Variants in TUBGCP2 observed in about 807,000 individuals in gnomAD.
The protein encoded by TUBGCP2 is gamma-tubulin complex component 2.
In TUBGCP2, 55 loss-of-function variants were observed where a neutral mutation model predicts 92.2. That is an observed-to-expected ratio of 0.60 (90% CI 0.48 to 0.75). TUBGCP2 has a LOEUF of 0.75. TUBGCP2 is among the 30% of genes least tolerant of loss of function. TUBGCP2 has a pLI of 0.00. For missense variants in TUBGCP2, 1,093 were observed against 1,188.9 expected (o/e 0.92, Z 1.19); for synonymous variants, 533 against 505.2 (o/e 1.06, Z -0.74).
In TUBGCP2 at chr10:133,299,495, A is replaced by G; in HGVS notation, c.388T>C (p.Ser130Pro). 1 of 1,613,242 alleles carries G rather than the reference A, an allele frequency of 6.2e-7. No homozygotes were observed. Among genetic ancestry groups the G allele is most frequent in the Non-Finnish European group, 8.5e-7 (1 of 1,179,966 alleles). Reference sequence around the variant, plus strand: ...CTCAGTTCCTCAAGCTCCTGCATGGAGATCTTGGAGGCCGCGGCAGGGACG... The same window carrying G: ...CTCAGTTCCTCAAGCTCCTGCATGGGGATCTTGGAGGCCGCGGCAGGGACG... ...INVPAAASKI[S>P]MQELEELRKQ... The change falls in exon 4 of 18, where the codon TCC (serine) becomes CCC (proline). Residue 130 changes from serine (S) to proline (P), a missense_variant. By Grantham distance (74) the Ser-to-Pro change is moderately conservative. This residue lies in a region of TUBGCP2 where 490 missense variants were observed against 488.5 expected (regional missense o/e 1.00). Transcript: ENST00000252936.
chr10:133,296,978 A>G (rs961432946), intron 5 of TUBGCP2, among the ~76,000 whole-genome samples: 5 of 152,214 alleles, frequency 3.3e-5, no homozygotes, highest in African/African-American at 1.2e-4. Flanking sequence ...TGGTGCCCAC[A>G]TTGCAGAGCC....
rs1177388313 is a variant in TUBGCP2 at position 133,279,326 on chromosome 10, C to G, written c.*440G>C. ...TCTGGGGCCAAAGCAAACCCGACAC[C>G]CGATGCCCGGTGGGTTTCCACAACT... is the stretch of plus-strand genomic sequence containing the variant. On this transcript the variant is annotated 3_prime_UTR_variant, in exon 18 of 18. Transcript: ENST00000252936. The G allele has an allele frequency of 5.9e-6, 1 of 168,088 alleles. No homozygotes were observed. The highest frequency in any genetic ancestry group is 1.3e-5 in the Non-Finnish European group (1 of 78,010). The allele number at this position is 168,088 out of a possible 1,614,324, so 10.4% of individuals were successfully genotyped here.
intron 16 of TUBGCP2, among the ~76,000 whole-genome samples, chr10:133,281,846 C>T (rs928005888): frequency 6.6e-6 from 1 of 152,270 alleles, no homozygotes; most frequent in Non-Finnish European, 1.5e-5. Context: ...CCGGAGCCGG[C>T]GCCGCAGGGC....
rs201938741 is a variant in TUBGCP2, at chr10:133,281,479, C to T, written c.2410-43G>A. ...GTGCGTGAGCCATGCCCACCCCCAC[C>T]GTGGGCCTTCTTGGCTCCACACTGT... On this transcript the variant is annotated intron_variant, in intron 16 of 17. Transcript: ENST00000252936. 431 of 1,597,722 alleles carry T rather than the reference C, an allele frequency of 2.7e-4. 1 individual carries two copies. Among genetic ancestry groups the T allele is most frequent in the African/African-American group, 3.3e-4 (25 of 74,924 alleles).
chr10:133,279,976 G>A lies in TUBGCP2; in HGVS notation c.2574-75C>T, dbSNP rs114492142. Reference sequence around the variant, plus strand: ...ATGCTGGGCAGCAGGGGTGTGGAAGGACGGTGCAGCTAGGGTGCACACCCC... The same window carrying A: ...ATGCTGGGCAGCAGGGGTGTGGAAGAACGGTGCAGCTAGGGTGCACACCCC... On this transcript the variant is annotated intron_variant, in intron 17 of 17. Transcript: ENST00000252936. The A allele has an allele frequency of 6.4e-4, 996 of 1,554,526 alleles. 4 individuals are homozygous for A. In the African/African-American group the frequency reaches 0.013, roughly 20 times the overall value.
At position 133,301,700 on chromosome 10, in the gene TUBGCP2, CTTTTTTTTTTTTTTTT is replaced by C. The variant is rs71016439; in HGVS notation, c.150+1076_150+1091del. ...CAACATGGTTAATACCAGTCCCTCCCTTTTTTTTTTTTTTTTTTTTTTTTTTTTTTGAGACAGAGTC... is the reference window on the plus strand; with the variant it reads ...CAACATGGTTAATACCAGTCCCTCCCTTTTTTTTTTTTTTGAGACAGAGTC... On this transcript the variant is annotated intron_variant, in intron 2 of 17. Transcript: ENST00000252936. 1.3e-4 allele frequency: 11 copies of C among 87,256 alleles called. No homozygotes were observed. The East Asian group carries it at 1.6e-3, about 13-fold the overall frequency. 5.4% of individuals were successfully genotyped at this position (87,256 alleles called of 1,614,324 possible).
At chr10:133,302,755 T>C in intron 2 of TUBGCP2, 37 bp downstream of exon 2, 5 of 1,610,518 alleles carry the variant, frequency 3.1e-6, no homozygotes, top group Non-Finnish European at 4.2e-6. Flanking sequence ...GGAACAGTGC[T>C]CACCCTGCAC....
chr10:133,295,058 C>G (rs1847457816), intron 5 of TUBGCP2: 1 of 152,044 alleles, frequency 6.6e-6, no homozygotes, highest in African/African-American at 2.4e-5. Flanking sequence ...AAGCCTCGGC[C>G]AATGCCCTTG....
intron 1 of TUBGCP2, among the ~76,000 whole-genome samples, chr10:133,305,355 A>G (rs1475906255): frequency 1.3e-5 from 2 of 152,188 alleles, no homozygotes; most frequent in Non-Finnish European, 2.9e-5. Context: ...CATGACACAC[A>G]TGACCTTATC....
At chr10:133,282,628 C>T (rs573650318) in intron 15 of TUBGCP2, among the ~76,000 whole-genome samples, 2 of 152,328 alleles carry the variant, frequency 1.3e-5, no homozygotes, top group East Asian at 3.9e-4. Flanking sequence ...TCCCCACTCG[C>T]CCTCCTCCGG....
chr10:133,281,222 A>C (rs150739655), intron 17 of TUBGCP2, 51 bp downstream of exon 17: 1 of 1,590,556 alleles, frequency 6.3e-7, no homozygotes, highest in Non-Finnish European at 8.5e-7. Context: ...GGGCAGGGGC[A>C]GGCGCTGGAC....
At chr10:133,284,055 GCCCA>G (rs1389744876) in intron 13 of TUBGCP2, 53 bp from the exon 14 acceptor site, 16 of 1,594,424 alleles carry the variant, frequency 1.0e-5, no homozygotes, top group Admixed American at 5.1e-5. Flanking sequence ...CCCCGACAGC[GCCCA>G]CCAAGTGACA....
intron 13 of TUBGCP2, among the ~76,000 whole-genome samples, chr10:133,284,436 C>T (rs1847077039): frequency 6.6e-6 from 1 of 152,218 alleles, no homozygotes; most frequent in Non-Finnish European, 1.5e-5. Context: ...GATCTTGGCT[C>T]ACTGCAGCCT....
At chr10:133,307,421 G>A (rs1847851249) in intron 1 of TUBGCP2, among the ~76,000 whole-genome samples, 1 of 152,238 alleles carries the variant, frequency 6.6e-6, no homozygotes, top group African/African-American at 2.4e-5. Flanking sequence ...TCTCTGTTGA[G>A]AGCTCAAAGC....
upstream of TUBGCP2, chr10:133,310,325 G>T: frequency 1.2e-6 from 2 of 1,611,386 alleles, no homozygotes; most frequent in South Asian, 2.2e-5. Context: ...GTCTGCTTTT[G>T]ATTTTAGGAA....
In TUBGCP2 at chr10:133,285,670, A is replaced by G; in HGVS notation, c.1723-42T>C. 2 of 1,479,384 alleles carry G rather than the reference A, an allele frequency of 1.4e-6. No individual in the cohort carries two copies. Among genetic ancestry groups the G allele is most frequent in the Non-Finnish European group, 1.8e-6 (2 of 1,116,144 alleles). 91.6% of individuals were successfully genotyped at this position (1,479,384 alleles called of 1,614,324 possible). A position where few individuals can be genotyped will look rare whatever the true frequency, so the allele number is the denominator to read the frequency against. On this transcript the variant is annotated intron_variant, in intron 11 of 17. Coordinates refer to ENST00000252936, the MANE Select transcript of TUBGCP2 (RefSeq NM_006659.4). The surrounding 1 kb of genome is among the most constrained non-coding windows in gnomAD (Gnocchi z 6.8). ...TGAAACAAAGCATCCAGTTTTAAGG[A>G]AAAGACCCGAAGTCGCATCCCGATC...
chr10:133,299,732 G>A (rs564611332), intron 3 of TUBGCP2, 129 bp from the exon 4 acceptor site: 393 of 903,796 alleles, frequency 4.3e-4, no homozygotes, highest in Non-Finnish European at 4.8e-4. Context: ...AAAGCGACGC[G>A]TGCGACAGGC....
At chr10:133,292,801 G>A (rs951941462) in intron 7 of TUBGCP2, 113 bp from the exon 8 acceptor site, 37 of 1,315,630 alleles carry the variant, frequency 2.8e-5, no homozygotes, top group South Asian at 1.3e-4. Context: ...GGACGGTGCT[G>A]CTTCTTTGGG....
In TUBGCP2 at chr10:133,292,694, G is replaced by A. The variant is rs561743577; in HGVS notation, c.1025-6C>T. The A allele has an allele frequency of 8.7e-6, 14 of 1,611,242 alleles. No homozygotes were observed. In the East Asian group the frequency reaches 1.8e-4, roughly 21 times the overall value. On this transcript the variant is annotated splice_region_variant and splice_polypyrimidine_tract_variant and intron_variant, in intron 7 of 17. Transcript: ENST00000252936. ...GCCTTTGTCCACCGAGGTGGCTGTG[G>A]GGAGAAAGGAGGGCTCACTGCTGAG...
Sources: gnomAD v4.1 joint callset for allele counts (sites outside exome capture counted in the v4.1 genomes callset) on GRCh38, gnomAD v4.1.1 for gene constraint, gnomAD v4.1.1 regional missense constraint, Gnocchi (gnomAD v3.1) non-coding constraint, MANE v1.5 for transcripts, NCBI Gene and HGNC (gene_info 2026-07-23, HGNC 2026-07-21) for gene names.